Variants in SGCD observed in about 807,000 individuals in gnomAD.
SGCD encodes sarcoglycan delta.
A neutral mutation model predicts 36.6 loss-of-function variants in SGCD; 18 were observed. The ratio of observed to expected loss-of-function variants is 0.49; its 90% CI spans 0.34 to 0.73. The LOEUF is 0.73. Ranked by LOEUF, SGCD falls within the 30% of genes least tolerant of loss-of-function variation. The pLI is 0.01. For missense variants in SGCD, 387 were observed against 346.7 expected, an observed-to-expected ratio of 1.12 and a Z score of -0.92; for synonymous variants, 133 against 130.6, an observed-to-expected ratio of 1.02 and a Z score of -0.12.
chr5:156,081,905 T>C (rs1760964383), intron 1 of SGCD, among the ~76,000 whole-genome samples: 1 of 152,152 alleles, frequency 6.6e-6, no homozygotes, highest in Non-Finnish European at 1.5e-5. Flanking sequence ...TGATTATATG[T>C]CCTTCTTCTT....
At chr5:155,869,492 A>G (rs1755589598), upstream of SGCD, among the ~76,000 whole-genome samples, 2 of 152,082 alleles carry the variant, frequency 1.3e-5, no homozygotes, top group South Asian at 2.1e-4. Context: ...TTGTTATTAT[A>G]CCCATTTTAT....
At chr5:156,295,093 C>G (rs1210334975) in intron 3 of SGCD, among the ~76,000 whole-genome samples, 1 of 152,064 alleles carries the variant, frequency 6.6e-6, no homozygotes, top group Non-Finnish European at 1.5e-5. Flanking sequence ...CCCAATGAAG[C>G]CATCAGGTTC....
chr5:156,568,320 G>A (rs1047783631), intron 4 of SGCD, among the ~76,000 whole-genome samples: 1 of 152,158 alleles, frequency 6.6e-6, no homozygotes, highest in South Asian at 2.1e-4. Context: ...GGAGGCAGAG[G>A]TAGTGAGCCA....
At chr5:156,615,643 T>G (rs1215694176) in intron 6 of SGCD, among the ~76,000 whole-genome samples, 1 of 152,180 alleles carries the variant, frequency 6.6e-6, no homozygotes, top group Non-Finnish European at 1.5e-5. Context: ...GTATATGATA[T>G]TGCCAAATCA....
chr5:156,165,705 T>C (rs1763196802), intron 3 of SGCD, among the ~76,000 whole-genome samples: 1 of 152,216 alleles, frequency 6.6e-6, no homozygotes, highest in South Asian at 2.1e-4. Flanking sequence ...TTGCAAATAT[T>C]GGTCTCTAAG....
chr5:155,883,356 G>A (rs1755930038), intron 1 of SGCD, among the ~76,000 whole-genome samples: 1 of 152,078 alleles, frequency 6.6e-6, no homozygotes, highest in Non-Finnish European at 1.5e-5. Context: ...GCCCATTTTG[G>A]CTTTCTACAT....
At chr5:155,731,227 G>A in the SGCD span, among the ~76,000 whole-genome samples, 1 of 151,984 alleles carries the variant, frequency 6.6e-6, no homozygotes, top group East Asian at 1.9e-4. Context: ...AAGTTACAGG[G>A]TAGACAGGGC....
chr5:155,841,750 A>G, the SGCD span, among the ~76,000 whole-genome samples: 32 of 152,224 alleles, frequency 2.1e-4, no homozygotes, highest in South Asian at 3.1e-3. Flanking sequence ...CTATCCTTTT[A>G]TCACTTTATA....
chr5:156,420,644 G>A (rs1016466764), intron 3 of SGCD, among the ~76,000 whole-genome samples: 8 of 152,050 alleles, frequency 5.3e-5, no homozygotes, highest in African/African-American at 1.2e-4. Flanking sequence ...TGGGGTGACC[G>A]TGCTCAGGTT....
At chr5:156,123,650 T>G (rs1762101259) in intron 2 of SGCD, among the ~76,000 whole-genome samples, 1 of 152,176 alleles carries the variant, frequency 6.6e-6, no homozygotes. Context: ...CCTTCCAGCC[T>G]TGATATACTA....
intron 3 of SGCD, among the ~76,000 whole-genome samples, chr5:156,289,876 G>A (rs901177360): frequency 6.6e-6 from 1 of 151,940 alleles, no homozygotes; most frequent in Non-Finnish European, 1.5e-5. Context: ...TAGTATGAAT[G>A]TCTAGTCTCT....
At chr5:156,687,087 A>G (rs1485213476) in intron 7 of SGCD, among the ~76,000 whole-genome samples, 1 of 152,176 alleles carries the variant, frequency 6.6e-6, no homozygotes, top group East Asian at 1.9e-4. Context: ...TCTCCTGGGA[A>G]CTGGCATGCA....
intron 7 of SGCD, among the ~76,000 whole-genome samples, chr5:156,701,835 G>A (rs747989700): frequency 3.0e-4 from 45 of 152,066 alleles, no homozygotes; most frequent in Non-Finnish European, 5.7e-4. Flanking sequence ...ACAAAAAAAA[G>A]CTAAAAGTGA....
At chr5:156,486,885 A>C (rs4705018) in intron 3 of SGCD, among the ~76,000 whole-genome samples, 69,844 of 151,824 alleles carry the variant, frequency 0.46, 16,680 homozygotes, top group Middle Eastern at 0.62. Context: ...ACCAGTGCCT[A>C]TGTGTGCCCC....
At chr5:155,989,481 G>A (rs763701159) in intron 1 of SGCD, among the ~76,000 whole-genome samples, 1 of 152,040 alleles carries the variant, frequency 6.6e-6, no homozygotes, top group Non-Finnish European at 1.5e-5. Context: ...TAAATTAGAT[G>A]TCATTTTCAT....
intron 4 of SGCD, among the ~76,000 whole-genome samples, chr5:156,535,661 A>G (rs1295964669): frequency 1.3e-5 from 2 of 152,190 alleles, no homozygotes; most frequent in African/African-American, 4.8e-5. Flanking sequence ...TGCCATGTTA[A>G]TGTTTGTGTT....
rs185703253 is a variant in SGCD at position 156,618,498 on chromosome 5, A to G, written c.502+23447A>G. ...GAACAACCACGACCTAATAAACCAG[A>G]GATACTTAATGAGAAAAAGCAAAAT... On this transcript the variant is annotated intron_variant, in intron 6 of 8. Coordinates refer to ENST00000337851, the MANE Select transcript of SGCD (RefSeq NM_000337.6). 3.2e-4 allele frequency among the ~76,000 whole-genome samples: 48 copies of G among 152,060 alleles called. 1 individual carries two copies. In the East Asian group the frequency reaches 8.9e-3, roughly 28 times the overall value.
intron 7 of SGCD, among the ~76,000 whole-genome samples, chr5:156,657,750 A>G (rs1181718223): frequency 7.3e-5 from 11 of 151,404 alleles, no homozygotes; most frequent in Non-Finnish European, 1.0e-4. Flanking sequence ...GTTTCTCGTA[A>G]GGTGGGACGA....
chr5:155,736,965 G>A, the SGCD span, among the ~76,000 whole-genome samples: 1 of 152,158 alleles, frequency 6.6e-6, no homozygotes. Flanking sequence ...AAAAGTGAGT[G>A]CTCTTTCCTT....
Sources: gnomAD v4.1 joint callset for allele counts (sites outside exome capture counted in the v4.1 genomes callset) on GRCh38, gnomAD v4.1.1 for gene constraint, MANE v1.5 for transcripts, NCBI Gene and HGNC (gene_info 2026-07-23, HGNC 2026-07-21) for gene names.